The following ANGPT1 variants were observed in gnomAD, a reference collection of about 807,000 sequenced individuals.
The protein encoded by ANGPT1 is angiopoietin 1.
In ANGPT1, 17 loss-of-function variants were observed where a neutral mutation model predicts 62.2. That is an observed-to-expected ratio of 0.27 (90% CI 0.19 to 0.41). The LOEUF (loss-of-function observed/expected upper bound fraction) is 0.41, where lower values mean the gene tolerates loss of function less well. Ranked by LOEUF, ANGPT1 falls within the 10% of genes least tolerant of loss-of-function variation. The pLI is 1.00. For synonymous variants in ANGPT1, 199 were observed against 198.9 expected (o/e 1.00, Z 0.00); for missense variants, 478 against 594.9 (o/e 0.80, Z 2.04).
intron 6 of ANGPT1, among the ~76,000 whole-genome samples, chr8:107,285,995 G>A (rs1210621341): frequency 6.6e-6 from 1 of 152,084 alleles, no homozygotes; most frequent in Non-Finnish European, 1.5e-5. Flanking sequence ...AAGCAAGAAA[G>A]GGAGAGAGAA....
chr8:107,372,645 AGACCAT>A (rs1229747802), intron 1 of ANGPT1, among the ~76,000 whole-genome samples: 1 of 152,088 alleles, frequency 6.6e-6, no homozygotes, highest in Non-Finnish European at 1.5e-5. Flanking sequence ...TGCTCCTTAA[AGACCAT>A]GGCCCAGAGA....
chr8:107,390,854 T>C (rs1816820800), intron 1 of ANGPT1, among the ~76,000 whole-genome samples: 1 of 152,124 alleles, frequency 6.6e-6, no homozygotes, highest in Admixed American at 6.5e-5. Flanking sequence ...GAGGCCAGGC[T>C]AGGTTCTGAA....
intron 1 of ANGPT1, among the ~76,000 whole-genome samples, chr8:107,358,127 A>T (rs1373734783): frequency 1.3e-5 from 2 of 152,164 alleles, no homozygotes; most frequent in African/African-American, 4.8e-5. Context: ...CCACAATATG[A>T]GATTACTCAA....
At chr8:107,316,564 G>T (rs1815019255) in intron 4 of ANGPT1, among the ~76,000 whole-genome samples, 1 of 152,156 alleles carries the variant, frequency 6.6e-6, no homozygotes. Context: ...CCTACTCCAG[G>T]CTTCTCAGCT....
intron 7 of ANGPT1, among the ~76,000 whole-genome samples, chr8:107,267,371 G>A (rs1380162652): frequency 6.6e-6 from 1 of 152,050 alleles, no homozygotes; most frequent in Non-Finnish European, 1.5e-5. Flanking sequence ...CTATATGTGT[G>A]CTGGTATAGG....
At chr8:107,263,382 A>G (rs1813541365) in intron 8 of ANGPT1, among the ~76,000 whole-genome samples, 1 of 149,210 alleles carries the variant, frequency 6.7e-6, no homozygotes, top group African/African-American at 2.5e-5. Flanking sequence ...AAAAAAAGGA[A>G]GTAGATAAAA....
chr8:107,327,760 T>C (rs996061462), intron 3 of ANGPT1, among the ~76,000 whole-genome samples: 3 of 152,036 alleles, frequency 2.0e-5, no homozygotes, highest in Non-Finnish European at 2.9e-5. Flanking sequence ...GAGACATGCA[T>C]AGAATTCTGG....
At chr8:107,263,941 A>T (rs1010860711) in intron 8 of ANGPT1, among the ~76,000 whole-genome samples, 3 of 152,208 alleles carry the variant, frequency 2.0e-5, no homozygotes, top group African/African-American at 7.2e-5. Flanking sequence ...ATACTAATTT[A>T]GAAAGTAGAA....
chr8:107,450,382 T>C (rs1811737422), intron 1 of ANGPT1, among the ~76,000 whole-genome samples: 1 of 152,004 alleles, frequency 6.6e-6, no homozygotes, highest in African/African-American at 2.4e-5. Flanking sequence ...TTTACATCTG[T>C]GTTATGTGAT....
chr8:107,400,705 G>C (rs1002566121), intron 1 of ANGPT1, among the ~76,000 whole-genome samples: 1 of 151,636 alleles, frequency 6.6e-6, no homozygotes, highest in Non-Finnish European at 1.5e-5. Flanking sequence ...GACTACAGGG[G>C]CCTGCCACTA....
intron 1 of ANGPT1, among the ~76,000 whole-genome samples, chr8:107,380,084 G>A (rs1255304863): frequency 6.6e-6 from 1 of 151,914 alleles, no homozygotes; most frequent in Non-Finnish European, 1.5e-5. Flanking sequence ...TACAGCCCCG[G>A]GATAGCCTGG....
chr8:107,398,370 T>C (rs1254776609), intron 1 of ANGPT1, among the ~76,000 whole-genome samples: 4 of 152,198 alleles, frequency 2.6e-5, no homozygotes, highest in African/African-American at 9.6e-5. Context: ...AAAATCCATT[T>C]TAAGCCCTAT....
intron 1 of ANGPT1, among the ~76,000 whole-genome samples, chr8:107,348,236 A>G (rs1028338238): frequency 6.6e-6 from 1 of 152,202 alleles, no homozygotes. Flanking sequence ...AATCATTAAC[A>G]GCTATGTGAT....
intron 3 of ANGPT1, among the ~76,000 whole-genome samples, chr8:107,333,957 A>AAAAGAAAGAAAG (rs61506555): frequency 7.8e-6 from 1 of 128,838 alleles, no homozygotes; most frequent in African/African-American, 3.0e-5. Flanking sequence ...AGAAAGAAAG[A>AAAAGAAAGAAAG]AAAGAAAGAA....
intron 1 of ANGPT1, among the ~76,000 whole-genome samples, chr8:107,355,811 A>G (rs572515078): frequency 1.3e-5 from 2 of 152,156 alleles, no homozygotes; most frequent in African/African-American, 4.8e-5. Flanking sequence ...TTTTCATAAT[A>G]GCCTTATTCA....
intron 1 of ANGPT1, among the ~76,000 whole-genome samples, chr8:107,438,926 T>C (rs1210691431): frequency 2.0e-5 from 3 of 152,170 alleles, no homozygotes; most frequent in Non-Finnish European, 4.4e-5. Context: ...TATTTTTTAA[T>C]GAAATGAATT....
At chr8:107,443,844 A>G (rs1811542833) in intron 1 of ANGPT1, among the ~76,000 whole-genome samples, 1 of 151,640 alleles carries the variant, frequency 6.6e-6, no homozygotes, top group African/African-American at 2.4e-5. Context: ...AAAGTATACT[A>G]GTATACCACT....
chr8:107,471,659 G>A (rs899710820), intron 1 of ANGPT1, among the ~76,000 whole-genome samples: 1 of 152,064 alleles, frequency 6.6e-6, no homozygotes, highest in African/African-American at 2.4e-5. Flanking sequence ...TCAGATTGGC[G>A]ACGTTTGAAT....
At chr8:107,357,356 A>G (rs190526904) in intron 1 of ANGPT1, among the ~76,000 whole-genome samples, 3 of 152,324 alleles carry the variant, frequency 2.0e-5, no homozygotes, top group Admixed American at 1.3e-4. Flanking sequence ...TTAACTAAAC[A>G]AGATACTGTT....
Sources: allele counts gnomAD v4.1 joint callset (sites outside exome capture counted in the v4.1 genomes callset), GRCh38; gene constraint gnomAD v4.1.1; transcripts MANE v1.5; gene names NCBI Gene and HGNC (gene_info 2026-07-23, HGNC 2026-07-21).